The following AMMECR1 variants were observed in gnomAD, a reference collection of about 807,000 sequenced individuals.
AMMECR1 encodes AMMECR nuclear protein 1.
Under a neutral mutation model 22.5 loss-of-function variants are expected in AMMECR1, and 3 were observed. That is an observed-to-expected ratio of 0.13 (90% CI 0.06 to 0.35). The LOEUF (loss-of-function observed/expected upper bound fraction) is 0.35. Ranked by LOEUF, AMMECR1 falls within the 10% of genes least tolerant of loss-of-function variation. The pLI is 1.00. For missense variants in AMMECR1, 235 were observed against 278.7 expected (o/e 0.84, Z 1.12); for synonymous variants, 130 against 116.7 (o/e 1.11, Z -0.74).
intron 1 of AMMECR1, chrX:110,305,608 G>T (rs1198655898): frequency 9.0e-6 from 1 of 111,649 alleles, no homozygotes; most frequent in African/African-American, 3.3e-5. Flanking sequence ...AGATGCCACT[G>T]CCACACTTAG....
intron 2 of AMMECR1, among the ~76,000 whole-genome samples, chrX:110,343,201 T>C (rs1348002681): frequency 8.9e-6 from 1 of 111,870 alleles, no homozygotes; most frequent in Non-Finnish European, 1.9e-5. Flanking sequence ...CGCAAATCAA[T>C]AAATGTAATC....
chrX:110,418,492 A>G (rs1026055499), intron 2 of AMMECR1, among the ~76,000 whole-genome samples: 1 of 112,073 alleles, frequency 8.9e-6, no homozygotes, highest in Admixed American at 9.4e-5. Flanking sequence ...GCAGTTAGTG[A>G]TCAGGGCCAA....
intron 2 of AMMECR1, among the ~76,000 whole-genome samples, chrX:110,234,211 G>A (rs1268876742): frequency 9.0e-6 from 1 of 111,631 alleles, no homozygotes; most frequent in Non-Finnish European, 1.9e-5. Context: ...CAAATCATGA[G>A]TGAACTCCCA....
At chrX:110,366,943 A>G (rs1380897320) in intron 2 of AMMECR1, among the ~76,000 whole-genome samples, 2 of 110,874 alleles carry the variant, frequency 1.8e-5, no homozygotes, top group East Asian at 2.8e-4. Context: ...TTGTTTCTAC[A>G]TTTTCCCTTT....
At chrX:110,379,347 A>G (rs2068402575) in intron 2 of AMMECR1, among the ~76,000 whole-genome samples, 1 of 112,275 alleles carries the variant, frequency 8.9e-6, no homozygotes, top group Non-Finnish European at 1.9e-5. Flanking sequence ...TATTCTTTTC[A>G]TATTCTTTGA....
chrX:110,339,969 A>AACACAC (rs1196397497), intron 2 of AMMECR1, among the ~76,000 whole-genome samples: 53 of 90,042 alleles, frequency 5.9e-4, no homozygotes, highest in African/African-American at 2.2e-3. Context: ...TTGAAGGCAA[A>AACACAC]ACATACACAC....
intron 1 of AMMECR1, among the ~76,000 whole-genome samples, chrX:110,298,837 C>T (rs1249146116): frequency 1.8e-5 from 2 of 111,457 alleles, no homozygotes; most frequent in Non-Finnish European, 3.8e-5. Flanking sequence ...GTTCAATGTT[C>T]TATACATATT....
chrX:110,339,583 G>A (rs1246315896), intron 2 of AMMECR1, among the ~76,000 whole-genome samples: 14 of 110,513 alleles, frequency 1.3e-4, no homozygotes, highest in African/African-American at 4.3e-4. Flanking sequence ...TACAACATCC[G>A]CCTCCTGGGT....
Position 110,350,505 on chromosome X carries a change from A to G in AMMECR1, c.-147-32656T>C, listed in dbSNP as rs752133503. ...CTCCAGTTTGGAAAGGAAGAATTCA[A>G]ATGATCTCTATTTGAAGATAGCTTG... On this transcript the variant is annotated intron_variant, in intron 2 of 7. Transcript: ENST00000372057. Among the ~76,000 whole-genome samples, 16 of 112,169 alleles carry G rather than the reference A, an allele frequency of 1.4e-4. No homozygotes were observed. The South Asian group carries it at 6.0e-3, about 42-fold the overall frequency.
intron 2 of AMMECR1, among the ~76,000 whole-genome samples, chrX:110,222,759 CAT>C (rs2067510897): frequency 9.1e-6 from 1 of 109,558 alleles, no homozygotes; most frequent in African/African-American, 3.3e-5. Flanking sequence ...CAAATAGAGA[CAT>C]ATGCAAAGAA....
At chrX:110,263,030 T>C (rs762842132) in intron 2 of AMMECR1, among the ~76,000 whole-genome samples, 11 of 111,380 alleles carry the variant, frequency 9.9e-5, no homozygotes, top group Non-Finnish European at 2.1e-4. Context: ...GGTCACAGAA[T>C]TCTTTTCTTC....
intron 2 of AMMECR1, chrX:110,346,758 C>G (rs1461635888): frequency 2.5e-6 from 2 of 803,140 alleles, no homozygotes; most frequent in African/African-American, 4.0e-5. Context: ...TGAAGATACT[C>G]CAGTCAGCAG....
intron 1 of AMMECR1, among the ~76,000 whole-genome samples, chrX:110,434,902 G>A (rs898092274): frequency 4.6e-5 from 5 of 109,487 alleles, no homozygotes; most frequent in African/African-American, 1.7e-4. Flanking sequence ...GAGGGAGGTG[G>A]TGGGGGACAC....
intron 1 of AMMECR1, among the ~76,000 whole-genome samples, chrX:110,294,553 T>G (rs975224644): frequency 2.7e-5 from 3 of 111,771 alleles, no homozygotes; most frequent in Non-Finnish European, 3.8e-5. Context: ...TTGGTGCTAA[T>G]AGCAGATGGT....
chrX:110,338,734 C>A (rs990888801), intron 2 of AMMECR1, among the ~76,000 whole-genome samples: 2 of 111,179 alleles, frequency 1.8e-5, no homozygotes, highest in African/African-American at 6.5e-5. Flanking sequence ...TGTATGCCCT[C>A]CAGGGTCAGC....
chrX:110,381,888 A>G (rs1018778089), intron 2 of AMMECR1, among the ~76,000 whole-genome samples: 38 of 111,344 alleles, frequency 3.4e-4, no homozygotes, highest in African/African-American at 1.2e-3. Flanking sequence ...AGATGAGAAC[A>G]ATAGACATTA....
chrX:110,420,332 A>C (rs145936065), intron 2 of AMMECR1, among the ~76,000 whole-genome samples: 1,917 of 112,183 alleles, frequency 0.017, 52 homozygotes, highest in African/African-American at 0.06. Context: ...TCGTTGAATG[A>C]GCAAATGAGT....
chrX:110,300,353 G>A (rs1468254674), intron 1 of AMMECR1, among the ~76,000 whole-genome samples: 1 of 112,346 alleles, frequency 8.9e-6, no homozygotes, highest in Non-Finnish European at 1.9e-5. Flanking sequence ...CAATTCAGGT[G>A]TAAAGGTATT....
intron 2 of AMMECR1, among the ~76,000 whole-genome samples, chrX:110,218,199 G>A (rs1402849919): frequency 1.8e-5 from 2 of 110,588 alleles, no homozygotes; most frequent in Admixed American, 1.9e-4. Context: ...ATCCCCCAAC[G>A]CCACACAGGA....
Sources: gnomAD v4.1 joint callset for allele counts (sites outside exome capture counted in the v4.1 genomes callset) on GRCh38, gnomAD v4.1.1 for gene constraint, MANE v1.5 for transcripts, NCBI Gene and HGNC (gene_info 2026-07-23, HGNC 2026-07-21) for gene names.